CLTC: variants seen among roughly 807,000 people sequenced by gnomAD.
The protein encoded by CLTC is clathrin heavy chain, also known as clathrin heavy chain 1.
CLTC carries 16 observed loss-of-function variants against 195.8 expected under a neutral mutation model. The observed-to-expected ratio is 0.08, with a 90% CI of 0.06 to 0.12. The LOEUF (loss-of-function observed/expected upper bound fraction) is 0.12. Among genes scored for constraint, CLTC ranks in the 10% least tolerant of loss-of-function variants. The pLI, the probability that CLTC is intolerant of heterozygous loss-of-function variation, is 1.00. For synonymous variants in CLTC, 667 were observed against 689.4 expected, an observed-to-expected ratio of 0.97 and a Z score of 0.51; for missense variants, 796 against 2,027.0, an observed-to-expected ratio of 0.39 and a Z score of 11.66.
chr17:59,651,358 C>T, intron 5 of CLTC, 42 bp downstream of exon 5: 1 of 1,329,120 alleles, frequency 7.5e-7, no homozygotes, highest in Non-Finnish European at 1.1e-6. Flanking sequence ...AATCTCTCCT[C>T]TTAAAAGAAA....
chr17:59,685,840 G>C lies in CLTC; in HGVS notation c.4827+32G>C. 6.8e-7 allele frequency: 1 copy of C among 1,473,052 alleles called. No homozygotes were observed. Among genetic ancestry groups the C allele is most frequent in the Non-Finnish European group, 9.2e-7 (1 of 1,086,026 alleles). 91.2% of individuals were successfully genotyped at this position (1,473,052 alleles called of 1,614,324 possible). On this transcript the variant is annotated intron_variant, in intron 30 of 31. Coordinates refer to ENST00000269122, the MANE Select transcript of CLTC (RefSeq NM_004859.4). The surrounding 1 kb of genome is among the most constrained non-coding windows in gnomAD (Gnocchi z 5.0). ...ACTCTTCTAAGTGTATTCAGAACTA[G>C]TTTCCTTGCATGTAAAATTCTACAT...
Position 59,648,832 on chromosome 17 carries a change from A to C in CLTC, c.681+431A>C, listed in dbSNP as rs894247116. ...TGTCTCAGCCTCCCGAGTAGCTGGG[A>C]CTACAGGCATGTGCCACCATGCCTG... On this transcript the variant is annotated intron_variant, in intron 4 of 31. Transcript: ENST00000269122. The surrounding 1 kb of genome is among the most constrained non-coding windows in gnomAD (Gnocchi z 4.5). The C allele has an allele frequency of 5.8e-5, 9 of 155,796 alleles. No homozygotes were observed. The highest frequency in any genetic ancestry group is 9.7e-5 in the African/African-American group (4 of 41,422). 9.7% of individuals were successfully genotyped at this position (155,796 alleles called of 1,614,324 possible).
In CLTC at chr17:59,682,993, A is replaced by G. The variant is rs1449064892; in HGVS notation, c.3852A>G (p.Glu1284=). 5 of 1,614,148 alleles carry G rather than the reference A, an allele frequency of 3.1e-6. No individual in the cohort carries two copies. In the South Asian group the frequency reaches 5.5e-5, roughly 18 times the overall value. Reference sequence around the variant, plus strand: ...TTGTTGTACATGCAGATGAATTAGAAGAACTTATCAACTACTATCAGGTAT... The same window carrying G: ...TTGTTGTACATGCAGATGAATTAGAGGAACTTATCAACTACTATCAGGTAT... ...LHIVVHADEL[E]ELINYYQDRG... The change falls in exon 24 of 32, where the codon GAA becomes GAG. Residue 1284 remains glutamate (E), a synonymous_variant. Transcript: ENST00000269122. The surrounding 1 kb of genome is among the most constrained non-coding windows in gnomAD (Gnocchi z 6.8).
rs2032585216 is a variant in CLTC at position 59,660,599 on chromosome 17, A to G, written c.1167+11A>G. ...GCTAATGCACCAAAGGTAAAGAGTTATGAAAATGAAGTTGTCATGACATTA... is the reference window on the plus strand; with the variant it reads ...GCTAATGCACCAAAGGTAAAGAGTTGTGAAAATGAAGTTGTCATGACATTA... On this transcript the variant is annotated intron_variant, in intron 7 of 31. Transcript: ENST00000269122. The G allele has an allele frequency of 6.2e-7, 1 of 1,612,750 alleles. No individual in the cohort carries two copies. Among genetic ancestry groups the G allele is most frequent in the Admixed American group, 1.7e-5 (1 of 60,000 alleles).
intron 2 of CLTC, 47 bp from the exon 3 acceptor site, chr17:59,647,350 CT>C: frequency 6.7e-7 from 1 of 1,492,348 alleles, no homozygotes; most frequent in Non-Finnish European, 9.2e-7. Flanking sequence ...GGTATTCATT[CT>C]AAACTTTACT....
chr17:59,664,500 G>A (rs538112688), intron 9 of CLTC, among the ~76,000 whole-genome samples: 23 of 147,844 alleles, frequency 1.6e-4, no homozygotes, highest in Non-Finnish European at 2.2e-4. Flanking sequence ...TCAGTGAATC[G>A]AGATTGCACC....
chr17:59,666,943 G>C lies in CLTC; in HGVS notation c.2094G>C (p.Leu698=), dbSNP rs2143556774. ...KYHEQLSTQS[L]IELFESFKSF... ...ATGAACAACTGTCAACTCAGTCTCT[G>C]ATTGAACTTTTTGAATCTTTCAAGA... Residue 698 remains leucine, a synonymous_variant, in exon 13 of 32, where the codon CTG becomes CTC. Transcript: ENST00000269122. This position sits in a 1 kb window ranked among gnomAD's most constrained non-coding sequence, Gnocchi z 4.9. 2 of 1,613,098 alleles carry C rather than the reference G, an allele frequency of 1.2e-6. No individual in the cohort carries two copies. Among genetic ancestry groups the C allele is most frequent in the Non-Finnish European group, 1.7e-6 (2 of 1,179,666 alleles).
In CLTC at chr17:59,643,135, GTGTGTGTGT is replaced by G. The variant is rs1567939307; in HGVS notation, c.43-1140_43-1132del. Among the ~76,000 whole-genome samples the G allele has an allele frequency of 6.5e-5, 9 of 138,678 alleles. No homozygotes were observed. The South Asian group carries it at 1.1e-3, about 17-fold the overall frequency. The allele number at this position is 138,678 out of a possible 152,430, so 91.0% of individuals were successfully genotyped here. A position where few individuals can be genotyped will look rare whatever the true frequency, so the allele number is the denominator to read the frequency against. On this transcript the variant is annotated intron_variant, in intron 1 of 31. Coordinates refer to ENST00000269122, the MANE Select transcript of CLTC (RefSeq NM_004859.4). ...TTCCATGCTTTTTCTTTTCTGGGGTGTGTGTGTGTGTGTGTGTGTGTGTGTGTGTGTGTA... is the reference window on the plus strand; with the variant it reads ...TTCCATGCTTTTTCTTTTCTGGGGTGGTGTGTGTGTGTGTGTGTGTGTGTA...
chr17:59,675,160 T>G (rs1365927121), intron 16 of CLTC, among the ~76,000 whole-genome samples: 2 of 152,200 alleles, frequency 1.3e-5, no homozygotes, highest in Non-Finnish European at 2.9e-5. Flanking sequence ...GTGATACCTG[T>G]GTATTTAACA....
chr17:59,625,083 T>G (rs1319067859), intron 1 of CLTC, among the ~76,000 whole-genome samples: 3 of 152,100 alleles, frequency 2.0e-5, no homozygotes, highest in African/African-American at 7.2e-5. Context: ...TTTTTCATAC[T>G]AAATTTTCTA....
In CLTC at chr17:59,681,682, A is replaced by C. The variant is rs746304254; in HGVS notation, c.3285A>C (p.Ala1095=). The change falls in exon 21 of 32, where the codon GCA becomes GCC. Residue 1095 remains alanine (A), a synonymous_variant. Coordinates refer to ENST00000269122, the MANE Select transcript of CLTC (RefSeq NM_004859.4). The surrounding 1 kb of genome is among the most constrained non-coding windows in gnomAD (Gnocchi z 5.0). The stretch of plus-strand genomic sequence containing the variant: ...AGCATATTGGAAACTTGGATCGGGC[A>C]TATGAGTTTGCTGAACGTTGCAATG... ...LIEHIGNLDR[A]YEFAERCNEP... 5.6e-6 allele frequency: 9 copies of C among 1,613,810 alleles called. No individual in the cohort carries two copies. Among genetic ancestry groups the C allele is most frequent in the Non-Finnish European group, 7.6e-6 (9 of 1,179,884 alleles).
At chr17:59,652,263 T>C (rs1023699908) in intron 5 of CLTC, among the ~76,000 whole-genome samples, 14 of 152,220 alleles carry the variant, frequency 9.2e-5, no homozygotes, top group Admixed American at 1.3e-4. Context: ...AATGTTGATA[T>C]TTTGACTTCC....
intron 6 of CLTC, among the ~76,000 whole-genome samples, chr17:59,656,666 A>AT (rs55669818): frequency 0.045 from 4,354 of 96,190 alleles, 313 homozygotes; most frequent in African/African-American, 0.14. Context: ...TATTATTTTA[A>AT]TTTTTTTTTT....
At chr17:59,651,344 T>A (rs759034143) in intron 5 of CLTC, 28 bp downstream of exon 5, 3 of 1,436,814 alleles carry the variant, frequency 2.1e-6, no homozygotes, top group Non-Finnish European at 2.9e-6. Context: ...AATGACTTTT[T>A]AAAAATCTCT....
At chr17:59,689,558 A>C (rs1309989609) in intron 30 of CLTC, 6 of 152,172 alleles carry the variant, frequency 3.9e-5, no homozygotes, top group Non-Finnish European at 1.5e-5. Context: ...CACCAGTAAT[A>C]GATAACATTG....
At chr17:59,640,762 C>G (rs982822915) in intron 1 of CLTC, among the ~76,000 whole-genome samples, 23 of 151,888 alleles carry the variant, frequency 1.5e-4, no homozygotes, top group Non-Finnish European at 2.9e-4. Context: ...GGGTCCTGTT[C>G]AGTTGTGTAA....
chr17:59,661,397 CCTT>C (rs2032605732), intron 7 of CLTC, 43 bp from the exon 8 acceptor site: 7 of 1,485,176 alleles, frequency 4.7e-6, no homozygotes, highest in South Asian at 3.4e-5. Context: ...TAACATTTCT[CCTT>C]CTTACACTTT....
intron 14 of CLTC, among the ~76,000 whole-genome samples, chr17:59,669,293 C>T (rs2032795238): frequency 6.6e-6 from 1 of 152,170 alleles, no homozygotes; most frequent in African/African-American, 2.4e-5. Context: ...TCAGCTTGCT[C>T]TTCATACCAT....
At chr17:59,658,238 A>C (rs969450233) in intron 6 of CLTC, among the ~76,000 whole-genome samples, 2 of 151,696 alleles carry the variant, frequency 1.3e-5, no homozygotes, top group African/African-American at 4.8e-5. Flanking sequence ...GGGTCTTGCT[A>C]TGTTGCCTAG....
Sources: gnomAD v4.1 joint callset for allele counts (sites outside exome capture counted in the v4.1 genomes callset) on GRCh38, gnomAD v4.1.1 for gene constraint, Gnocchi (gnomAD v3.1) non-coding constraint, MANE v1.5 for transcripts, NCBI Gene and HGNC (gene_info 2026-07-23, HGNC 2026-07-21) for gene names.